Variants in CAMTA1 observed in about 807,000 individuals in gnomAD.
CAMTA1 encodes calmodulin binding transcription activator 1, also known as calmodulin-binding transcription activator 1.
CAMTA1 carries 27 observed loss-of-function variants against 170.9 expected under a neutral mutation model. The ratio of observed to expected loss-of-function variants is 0.16; its 90% CI spans 0.12 to 0.22. CAMTA1 has a LOEUF of 0.22. Among genes scored for constraint, CAMTA1 ranks in the 10% least tolerant of loss-of-function variants. The probability of loss-of-function intolerance (pLI) is 1.00; values close to 1 mark genes in which losing one functional copy is unlikely to be tolerated. For synonymous variants in CAMTA1, 833 were observed against 891.5 expected (o/e 0.93, Z 1.17); for missense variants, 1,619 against 2,217.2 (o/e 0.73, Z 5.42).
At chr1:6,794,902 T>G (rs1258926548) in intron 1 of CAMTA1, among the ~76,000 whole-genome samples, 88 of 151,530 alleles carry the variant, frequency 5.8e-4, no homozygotes, top group East Asian at 1.9e-3. Flanking sequence ...TTTTTTTGTT[T>G]TTTTGTTTTT....
Position 7,300,403 on chromosome 1 carries a change from G to A in CAMTA1, c.438+50777G>A, listed in dbSNP as rs1674582089. Among the ~76,000 whole-genome samples, 1 of 152,172 alleles carries A rather than the reference G, an allele frequency of 6.6e-6. No individual in the cohort carries two copies. The highest frequency in any genetic ancestry group is 2.4e-5 in the African/African-American group (1 of 41,442). On this transcript the variant is annotated intron_variant, in intron 5 of 22. Coordinates refer to ENST00000303635, the MANE Select transcript of CAMTA1 (RefSeq NM_015215.4). The surrounding 1 kb of genome is among the most constrained non-coding windows in gnomAD (Gnocchi z 4.1). ...TTAGAAAATTGTATAGAGGCCAGGC[G>A]CAGTGGCTCACGCCTGTAATCCCCA...
chr1:7,097,092 TC>T (rs1335743336), intron 4 of CAMTA1, among the ~76,000 whole-genome samples: 4 of 152,190 alleles, frequency 2.6e-5, no homozygotes, highest in Non-Finnish European at 5.9e-5. Flanking sequence ...CTGGGAGCCT[TC>T]CCCAAACTCA....
intron 19 of CAMTA1, among the ~76,000 whole-genome samples, 170 bp downstream of exon 19, chr1:7,747,951 C>G (rs532292817): frequency 1.0e-3 from 150 of 149,178 alleles, no homozygotes; most frequent in African/African-American, 3.5e-3. Context: ...CTGGCTGTGT[C>G]GCCCAGGCTG....
intron 6 of CAMTA1, among the ~76,000 whole-genome samples, chr1:7,628,517 A>C (rs547219442): frequency 6.6e-6 from 1 of 152,244 alleles, no homozygotes; most frequent in Non-Finnish European, 1.5e-5. Flanking sequence ...CCGTGAGCAG[A>C]TCATGTAGCA....
At chr1:7,012,436 C>T (rs995863337) in intron 3 of CAMTA1, among the ~76,000 whole-genome samples, 7 of 152,142 alleles carry the variant, frequency 4.6e-5, no homozygotes, top group African/African-American at 1.7e-4. Flanking sequence ...CGGTCTTTCT[C>T]TCCTCCCTGG....
intron 16 of CAMTA1, among the ~76,000 whole-genome samples, chr1:7,742,544 T>G (rs1449401207): frequency 6.6e-6 from 1 of 152,176 alleles, no homozygotes. Context: ...AAGCTACCCA[T>G]TTAAAGGCCG....
At chr1:7,073,666 G>A (rs1277252851) in intron 3 of CAMTA1, among the ~76,000 whole-genome samples, 2 of 152,180 alleles carry the variant, frequency 1.3e-5, no homozygotes, top group African/African-American at 2.4e-5. Flanking sequence ...TGCTGGTAGG[G>A]CAAGTAAAAT....
At chr1:6,942,892 C>A (rs542782643) in intron 3 of CAMTA1, among the ~76,000 whole-genome samples, 3 of 152,278 alleles carry the variant, frequency 2.0e-5, no homozygotes, top group South Asian at 2.1e-4. Context: ...TGGACACTCT[C>A]ACTCAGAGTG....
At chr1:7,668,192 G>A (rs973098195) in intron 9 of CAMTA1, among the ~76,000 whole-genome samples, 2 of 152,178 alleles carry the variant, frequency 1.3e-5, no homozygotes, top group African/African-American at 4.8e-5. Flanking sequence ...CTACTTCCCA[G>A]TCTGCAAAAT....
At chr1:7,631,597 C>T (rs897461403) in intron 6 of CAMTA1, among the ~76,000 whole-genome samples, 20 of 152,142 alleles carry the variant, frequency 1.3e-4, no homozygotes, top group Non-Finnish European at 1.9e-4. Flanking sequence ...CCTGAGTGGC[C>T]GTGGAATGCC....
chr1:6,859,525 A>G (rs1466315302), intron 3 of CAMTA1, among the ~76,000 whole-genome samples: 1 of 152,144 alleles, frequency 6.6e-6, no homozygotes, highest in Admixed American at 6.5e-5. Flanking sequence ...TGCAGTGGCC[A>G]CTCCTGTAAT....
chr1:6,785,965 G>A (rs1639151900), intron 1 of CAMTA1, among the ~76,000 whole-genome samples: 1 of 150,602 alleles, frequency 6.6e-6, no homozygotes, highest in African/African-American at 2.4e-5. Flanking sequence ...CCGGCGCTGG[G>A]TCCACGGTGG....
chr1:7,760,103 G>A (rs996897785), intron 22 of CAMTA1, among the ~76,000 whole-genome samples: 2 of 152,204 alleles, frequency 1.3e-5, no homozygotes, highest in African/African-American at 4.8e-5. Context: ...AGTCACCTGT[G>A]TTCAGTAAAG....
chr1:6,977,213 A>G (rs1693598497), intron 3 of CAMTA1, among the ~76,000 whole-genome samples: 1 of 152,226 alleles, frequency 6.6e-6, no homozygotes, highest in Non-Finnish European at 1.5e-5. Context: ...TAAGCTGGGC[A>G]GGCTGGGTGC....
rs1255837938 is a variant in CAMTA1 at position 7,580,026 on chromosome 1, T to C, written c.511-60374T>C. ...GCAGCTCAGCTGAATCCACCCTCTCTCCGGTCAACTCACAACTCACACATG... is the reference window on the plus strand; with the variant it reads ...GCAGCTCAGCTGAATCCACCCTCTCCCCGGTCAACTCACAACTCACACATG... On this transcript the variant is annotated intron_variant, in intron 6 of 22. Transcript: ENST00000303635. This position sits in a 1 kb window ranked among gnomAD's most constrained non-coding sequence, Gnocchi z 4.3. Among the ~76,000 whole-genome samples the C allele has an allele frequency of 1.3e-5, 2 of 152,248 alleles. No homozygotes were observed. Among genetic ancestry groups the C allele is most frequent in the African/African-American group, 4.8e-5 (2 of 41,474 alleles).
At chr1:7,706,949 T>A (rs2096530972) in intron 11 of CAMTA1, among the ~76,000 whole-genome samples, 1 of 147,292 alleles carries the variant, frequency 6.8e-6, no homozygotes, top group Non-Finnish European at 1.5e-5. Context: ...TGCAGTGGCA[T>A]GATCCCGGCT....
rs767824479 is a variant in CAMTA1, at chr1:7,635,608, CAA to C, written c.511-4774_511-4773del. On this transcript the variant is annotated intron_variant, in intron 6 of 22. Coordinates refer to ENST00000303635, the MANE Select transcript of CAMTA1 (RefSeq NM_015215.4). This position sits in a 1 kb window ranked among gnomAD's most constrained non-coding sequence, Gnocchi z 4.4. ...TGGGGGACAGAGCAAGACTCCGTCT[CAA>C]AAAAAAAAAAAAAAAAATACAGGGC... Among the ~76,000 whole-genome samples the C allele has an allele frequency of 0.15, 13,482 of 90,000 alleles. 905 individuals are homozygous for C. The highest frequency in any genetic ancestry group is 0.24 in the African/African-American group (7,117 of 29,336). 59.0% of individuals were successfully genotyped at this position (90,000 alleles called of 152,430 possible).
intron 3 of CAMTA1, among the ~76,000 whole-genome samples, chr1:7,085,248 C>T (rs562608589): frequency 6.6e-6 from 1 of 152,336 alleles, no homozygotes; most frequent in African/African-American, 2.4e-5. Context: ...ATGAGGGGCA[C>T]TTAGAGGAAC....
chr1:6,820,104 T>C (rs1488476557), intron 1 of CAMTA1, 77 bp from the exon 2 acceptor site: 5 of 871,438 alleles, frequency 5.7e-6, no homozygotes, highest in African/African-American at 5.0e-5. Context: ...TTTTGCATCT[T>C]GGCAGGAATA....
Sources: allele counts gnomAD v4.1 joint callset (sites outside exome capture counted in the v4.1 genomes callset), GRCh38; gene constraint gnomAD v4.1.1; non-coding constraint Gnocchi (gnomAD v3.1); transcripts MANE v1.5; gene names NCBI Gene and HGNC (gene_info 2026-07-23, HGNC 2026-07-21).